CHRM3: variants seen among roughly 807,000 people sequenced by gnomAD.
CHRM3 encodes cholinergic receptor muscarinic 3.
A neutral mutation model predicts 41.8 loss-of-function variants in CHRM3; 11 were observed. The ratio of observed to expected loss-of-function variants is 0.26; its 90% CI spans 0.17 to 0.44. The LOEUF is 0.44. CHRM3 is among the 20% of genes least tolerant of loss of function. The probability of loss-of-function intolerance (pLI) is 1.00; values close to 1 mark genes in which losing one functional copy is unlikely to be tolerated. For missense variants in CHRM3, 571 were observed against 745.4 expected, an observed-to-expected ratio of 0.77 and a Z score of 2.72; for synonymous variants, 297 against 301.4, an observed-to-expected ratio of 0.99 and a Z score of 0.15.
At chr1:239,618,051 A>G (rs549029699) in intron 3 of CHRM3, among the ~76,000 whole-genome samples, 2 of 151,678 alleles carry the variant, frequency 1.3e-5, no homozygotes, top group African/African-American at 4.8e-5. Flanking sequence ...CTTTTTATCA[A>G]CTGTGTTTCT....
intron 5 of CHRM3, among the ~76,000 whole-genome samples, chr1:239,735,538 A>C (rs1244551723): frequency 6.6e-6 from 1 of 152,148 alleles, no homozygotes; most frequent in Non-Finnish European, 1.5e-5. Context: ...TTTTTTCCCA[A>C]ACATGGATTC....
chr1:239,407,840 A>C (rs1430042212), intron 1 of CHRM3, among the ~76,000 whole-genome samples: 2 of 152,236 alleles, frequency 1.3e-5, no homozygotes, highest in African/African-American at 4.8e-5. Flanking sequence ...GAGCATATAC[A>C]TTAAAAAGGA....
rs1384876856 is a variant in CHRM3 at position 239,497,499 on chromosome 1, TGAAGTA to T, written c.-422+4701_-422+4706del. On this transcript the variant is annotated intron_variant, in intron 2 of 6. Transcript: ENST00000676153. ...CTGTTTCCCCAGTACGTTACTTGGA[TGAAGTA>T]GAAGTAGATCATACTATCTGTTCCA... Among the ~76,000 whole-genome samples the T allele has an allele frequency of 1.3e-5, 2 of 152,202 alleles. 1 individual carries two copies. Among genetic ancestry groups the T allele is most frequent in the Non-Finnish European group, 2.9e-5 (2 of 68,038 alleles).
intron 6 of CHRM3, among the ~76,000 whole-genome samples, chr1:239,837,178 G>A (rs1483978947): frequency 2.0e-5 from 3 of 152,164 alleles, no homozygotes; most frequent in African/African-American, 7.2e-5. Context: ...TTCTCACGAT[G>A]TGTGAGGCAG....
intron 5 of CHRM3, chr1:239,703,766 C>T (rs1316437270): frequency 3.9e-5 from 6 of 152,132 alleles, no homozygotes; most frequent in African/African-American, 1.2e-4. Context: ...CACTCTGTGT[C>T]GGGTTTTGGA....
In CHRM3 at chr1:239,407,216, C is replaced by A. The variant is rs572712287; in HGVS notation, c.-521+19989C>A. On this transcript the variant is annotated intron_variant, in intron 1 of 6. Transcript: ENST00000676153. ...GTTAGAGCTGTCCTCAAATGCCATC[C>A]GATCAGGCTGCGTTTTGTGATCACT... is the stretch of plus-strand genomic sequence containing the variant. 5.9e-5 allele frequency among the ~76,000 whole-genome samples: 9 copies of A among 152,146 alleles called. No individual in the cohort carries two copies. In the East Asian group the frequency reaches 1.7e-3, roughly 29 times the overall value.
intron 3 of CHRM3, among the ~76,000 whole-genome samples, chr1:239,559,935 G>T (rs1660706229): frequency 6.6e-6 from 1 of 152,046 alleles, no homozygotes; most frequent in Non-Finnish European, 1.5e-5. Flanking sequence ...ATTTATTTTG[G>T]CATTGACCGC....
intron 6 of CHRM3, among the ~76,000 whole-genome samples, chr1:239,853,206 A>G (rs1342404757): frequency 6.6e-6 from 1 of 151,816 alleles, no homozygotes; most frequent in Non-Finnish European, 1.5e-5. Flanking sequence ...TATATATTTT[A>G]TTTCAGTATT....
intron 1 of CHRM3, among the ~76,000 whole-genome samples, chr1:239,421,744 A>G (rs1457832338): frequency 6.6e-6 from 1 of 152,180 alleles, no homozygotes; most frequent in Admixed American, 6.5e-5. Context: ...ACGCTGTGGA[A>G]TGCTTCATCT....
At chr1:239,755,179 C>T (rs966990563) in intron 5 of CHRM3, among the ~76,000 whole-genome samples, 2 of 152,130 alleles carry the variant, frequency 1.3e-5, no homozygotes, top group Non-Finnish European at 2.9e-5. Flanking sequence ...AGGACTCCAC[C>T]CTCCTGTTTT....
chr1:239,401,288 C>T (rs1362983073), intron 1 of CHRM3, among the ~76,000 whole-genome samples: 1 of 152,130 alleles, frequency 6.6e-6, no homozygotes, highest in Non-Finnish European at 1.5e-5. Context: ...ATCTGTGCTC[C>T]ATAACACTTT....
chr1:239,509,507 CTG>C (rs1668786197), intron 2 of CHRM3, among the ~76,000 whole-genome samples: 1 of 152,080 alleles, frequency 6.6e-6, no homozygotes, highest in African/African-American at 2.4e-5. Context: ...GAGTTGATTT[CTG>C]TGTGATAACC....
At chr1:239,813,925 A>AAAAAAAAAAAAAAAAC (rs1553274107) in intron 5 of CHRM3, among the ~76,000 whole-genome samples, 16 of 146,484 alleles carry the variant, frequency 1.1e-4, no homozygotes, top group African/African-American at 4.1e-4. Context: ...TCAAAAAAAA[A>AAAAAAAAAAAAAAAAC]AAAAAAAAAC....
At chr1:239,490,034 C>T (rs1379892494) in intron 1 of CHRM3, among the ~76,000 whole-genome samples, 2 of 152,168 alleles carry the variant, frequency 1.3e-5, no homozygotes, top group African/African-American at 4.8e-5. Context: ...TATCTAGTCT[C>T]TCTGCAAATA....
intron 1 of CHRM3, among the ~76,000 whole-genome samples, chr1:239,471,595 T>C (rs1002859884): frequency 1.3e-5 from 2 of 151,950 alleles, no homozygotes; most frequent in African/African-American, 4.8e-5. Flanking sequence ...AAATACTGGG[T>C]AGTGAGTGAG....
chr1:239,462,886 C>T (rs1324040408), intron 1 of CHRM3, among the ~76,000 whole-genome samples: 1 of 152,166 alleles, frequency 6.6e-6, no homozygotes, highest in African/African-American at 2.4e-5. Flanking sequence ...CAATTTCGGA[C>T]ATTTGTTGTT....
In CHRM3 at chr1:239,662,890, C is replaced by CTCCTCCTCT. The variant is rs1553356847; in HGVS notation, c.-249-15291_-249-15290insCTCTTCCTC. On this transcript the variant is annotated intron_variant, in intron 4 of 6. Coordinates refer to ENST00000676153, the MANE Select transcript of CHRM3 (RefSeq NM_001375978.1). ...CTTTCTCCTCTTTCTCCTCTTCCTC[C>CTCCTCCTCT]TCCTCTTCTTCTTCTTCTTCTTCTT... is the stretch of plus-strand genomic sequence containing the variant. Among the ~76,000 whole-genome samples, 3 of 14,902 alleles carry CTCCTCCTCT rather than the reference C, an allele frequency of 2.0e-4. No individual in the cohort carries two copies. In the Admixed American group the frequency reaches 2.2e-3, roughly 11 times the overall value. The allele number at this position is 14,902 out of a possible 152,430, so 9.8% of individuals were successfully genotyped here.
At chr1:239,427,765 A>G (rs962945135) in intron 1 of CHRM3, among the ~76,000 whole-genome samples, 12 of 152,064 alleles carry the variant, frequency 7.9e-5, no homozygotes, top group Non-Finnish European at 1.8e-4. Context: ...AGAGACAAGC[A>G]GATGGAGGAT....
At chr1:239,537,974 C>T (rs1278083956) in intron 2 of CHRM3, among the ~76,000 whole-genome samples, 3 of 152,054 alleles carry the variant, frequency 2.0e-5, no homozygotes, top group East Asian at 1.9e-4. Flanking sequence ...AGAAAATATG[C>T]GTGTAAATGA....
Sources: allele counts gnomAD v4.1 joint callset (sites outside exome capture counted in the v4.1 genomes callset), GRCh38; gene constraint gnomAD v4.1.1; transcripts MANE v1.5; gene names NCBI Gene and HGNC (gene_info 2026-07-23, HGNC 2026-07-21).